Variants in USP15 observed in about 807,000 individuals in gnomAD.
The protein encoded by USP15 is ubiquitin carboxyl-terminal hydrolase 15.
A neutral mutation model predicts 127.1 loss-of-function variants in USP15; 18 were observed. That is an observed-to-expected ratio of 0.14 (90% CI 0.10 to 0.21). USP15 has a LOEUF of 0.21. USP15 is among the 10% of genes least tolerant of loss of function. USP15 has a pLI of 1.00. For synonymous variants in USP15, 364 were observed against 393.7 expected, an observed-to-expected ratio of 0.92 and a Z score of 0.89; for missense variants, 805 against 1,159.9, an observed-to-expected ratio of 0.69 and a Z score of 4.44.
At position 62,404,215 on chromosome 12, in the gene USP15, T is replaced by C; in HGVS notation, c.2786T>C (p.Phe929Ser). The change falls in exon 22 of 22, where the codon TTC (phenylalanine) becomes TCC (serine). Residue 929 changes from phenylalanine (F) to serine (S), a missense_variant. Phe to Ser is a radical substitution (Grantham distance 155, BLOSUM62 -2). Coordinates refer to ENST00000280377, the MANE Select transcript of USP15 (RefSeq NM_001252078.2). The stretch of plus-strand genomic sequence containing the variant: ...CAGTCCAAAGCAGCATATGTACTCT[T>C]CTACCAGAGACAAGACACTTTCAGT... The part of the protein sequence containing the change: ...QIVSKAAYVL[F>S]YQRQDTFSGT... 6.2e-7 allele frequency: 1 copy of C among 1,612,874 alleles called. No individual in the cohort carries two copies. Among genetic ancestry groups the C allele is most frequent in the South Asian group, 1.1e-5 (1 of 91,034 alleles).
chr12:62,394,772 C>T (rs1383435477), intron 19 of USP15, among the ~76,000 whole-genome samples: 1 of 151,836 alleles, frequency 6.6e-6, no homozygotes, highest in Non-Finnish European at 1.5e-5. Context: ...TCGCTTGAAC[C>T]CAGGAGGCGG....
intron 2 of USP15, among the ~76,000 whole-genome samples, chr12:62,299,113 T>G (rs754764498): frequency 3.3e-5 from 5 of 152,096 alleles, no homozygotes; most frequent in African/African-American, 4.8e-5. Context: ...TCATACAATA[T>G]GTGTGTTTTT....
chr12:62,379,159 A>G (rs2066914837), intron 8 of USP15, among the ~76,000 whole-genome samples: 1 of 151,330 alleles, frequency 6.6e-6, no homozygotes, highest in African/African-American at 2.4e-5. Context: ...CTTCCCAGAT[A>G]GGATGCCAGA....
At chr12:62,394,072 T>A (rs1382115632) in intron 19 of USP15, among the ~76,000 whole-genome samples, 1 of 152,196 alleles carries the variant, frequency 6.6e-6, no homozygotes, top group African/African-American at 2.4e-5. Context: ...ATCTTGTCTG[T>A]AAAAAGATAC....
At chr12:62,298,754 A>G (rs1224553115) in intron 2 of USP15, among the ~76,000 whole-genome samples, 1 of 149,774 alleles carries the variant, frequency 6.7e-6, no homozygotes, top group African/African-American at 2.5e-5. Flanking sequence ...GCTTCAGCCC[A>G]GGAGACAGAG....
At chr12:62,293,395 C>T (rs907769764) in intron 1 of USP15, among the ~76,000 whole-genome samples, 3 of 152,072 alleles carry the variant, frequency 2.0e-5, no homozygotes, top group African/African-American at 4.8e-5. Context: ...CTCTCTCTGT[C>T]GCCCAGGCTG....
At chr12:62,348,536 G>T (rs1426663418) in intron 6 of USP15, among the ~76,000 whole-genome samples, 1 of 151,988 alleles carries the variant, frequency 6.6e-6, no homozygotes, top group Non-Finnish European at 1.5e-5. Context: ...AAATTACAAG[G>T]GGAAATAAAA....
At chr12:62,376,796 A>G (rs984298770) in intron 8 of USP15, among the ~76,000 whole-genome samples, 1 of 152,246 alleles carries the variant, frequency 6.6e-6, no homozygotes, top group African/African-American at 2.4e-5. Flanking sequence ...CACAACACAT[A>G]TCCGATTTTT....
chr12:62,355,607 T>C, intron 8 of USP15, 132 bp downstream of exon 8: 1 of 1,027,136 alleles, frequency 9.7e-7, no homozygotes, highest in Non-Finnish European at 1.4e-6. Context: ...GATTTAAGCA[T>C]ACATATTTGA....
At chr12:62,325,838 G>T in intron 5 of USP15, 34 bp from the exon 6 acceptor site, 1 of 1,566,170 alleles carries the variant, frequency 6.4e-7, no homozygotes, top group South Asian at 1.2e-5. Context: ...TCAGAGTTAT[G>T]GAAAAACACC....
rs915232184 is a variant in USP15 at position 62,380,324 on chromosome 12, T to C, written c.916-1166T>C. 2.0e-5 allele frequency among the ~76,000 whole-genome samples: 3 copies of C among 151,984 alleles called. No individual in the cohort carries two copies. In the East Asian group the frequency reaches 5.8e-4, roughly 29 times the overall value. ...ACCACAAAATTGAGTACCAGAATTA[T>C]TCTAAAAAACTAAGTAAATGTTGAC... On this transcript the variant is annotated intron_variant, in intron 8 of 21. Transcript: ENST00000280377.
At position 62,373,685 on chromosome 12, in the gene USP15, A is replaced by G. The variant is rs142419301; in HGVS notation, c.916-7805A>G. ...TAAGAGGAAAATTATATCCATTTCTATTTTACTTGCCTAAGTTTGTTCTTT... is the reference window on the plus strand; with the variant it reads ...TAAGAGGAAAATTATATCCATTTCTGTTTTACTTGCCTAAGTTTGTTCTTT... On this transcript the variant is annotated intron_variant, in intron 8 of 21. Transcript: ENST00000280377. Among the ~76,000 whole-genome samples the G allele has an allele frequency of 6.3e-3, 950 of 151,994 alleles. 12 individuals carry two copies. Among genetic ancestry groups the G allele is most frequent in the Non-Finnish European group, 7.7e-3 (523 of 67,804 alleles).
chr12:62,261,008 T>C (rs2063036602), intron 1 of USP15, among the ~76,000 whole-genome samples: 1 of 152,162 alleles, frequency 6.6e-6, no homozygotes, highest in Admixed American at 6.5e-5. Flanking sequence ...CGGTCTGTAC[T>C]ACACAGGTGG....
chr12:62,319,802 G>T (rs1342675877), intron 4 of USP15, among the ~76,000 whole-genome samples: 1 of 152,146 alleles, frequency 6.6e-6, no homozygotes, highest in Non-Finnish European at 1.5e-5. Context: ...GTCAACAGTG[G>T]TTATATCTAG....
chr12:62,349,223 C>A lies in USP15; in HGVS notation c.686C>A (p.Ser229Tyr). The A allele has an allele frequency of 6.7e-7, 1 of 1,490,308 alleles. No individual in the cohort carries two copies. The highest frequency in any genetic ancestry group is 2.6e-5 in the East Asian group (1 of 39,180). The allele number at this position is 1,490,308 out of a possible 1,614,324, so 92.3% of individuals were successfully genotyped here. A position where few individuals can be genotyped will look rare whatever the true frequency, so the allele number is the denominator to read the frequency against. Residue 229 changes from serine to tyrosine, a missense_variant and splice_region_variant, in exon 7 of 22, where the codon TCC becomes TAC. Ser to Tyr is a moderately radical substitution (Grantham distance 144). Transcript: ENST00000280377. The part of the protein sequence containing the change: ...TWPRGPSTPK[S>Y]PGASNFSTLP... Reference sequence around the variant, plus strand: ...TTAACATTTTCATATTTTTAAAGGTCCCCAGGTGCATCCAATTTTTCAACT... The same window carrying A: ...TTAACATTTTCATATTTTTAAAGGTACCCAGGTGCATCCAATTTTTCAACT...
At chr12:62,341,270 TC>T (rs1319350207) in intron 6 of USP15, among the ~76,000 whole-genome samples, 1 of 152,146 alleles carries the variant, frequency 6.6e-6, no homozygotes, top group Non-Finnish European at 1.5e-5. Flanking sequence ...CCTATGTATG[TC>T]TTTGCATGTG....
rs945363042 is a variant in USP15 at position 62,411,821 on chromosome 12, G to C, written c.*7446G>C. 2 of 152,268 alleles carry C rather than the reference G, an allele frequency of 1.3e-5. No homozygotes were observed. Among genetic ancestry groups the C allele is most frequent in the Admixed American group, 1.3e-4 (2 of 15,258 alleles). The allele number at this position is 152,268 out of a possible 1,614,324, so 9.4% of individuals were successfully genotyped here. On this transcript the variant is annotated 3_prime_UTR_variant, in exon 22 of 22. Transcript: ENST00000280377. ...ATGGCTGCCTTCTCACTGTGTTCTT[G>C]CATGGTAGCAGAGGAGGGTCAGAGA...
chr12:62,329,553 A>G (rs1433967874), intron 6 of USP15, among the ~76,000 whole-genome samples: 1 of 149,098 alleles, frequency 6.7e-6, no homozygotes, highest in East Asian at 1.9e-4. Flanking sequence ...TAAAACCTAA[A>G]GGGAATAATA....
At chr12:62,390,118 A>G (rs1170187671) in intron 14 of USP15, 130 bp downstream of exon 14, 1 of 1,029,008 alleles carries the variant, frequency 9.7e-7, no homozygotes, top group Non-Finnish European at 1.3e-6. Context: ...AATTTTGTTC[A>G]TAGTCAGATT....
Sources: allele counts gnomAD v4.1 joint callset (sites outside exome capture counted in the v4.1 genomes callset), GRCh38; gene constraint gnomAD v4.1.1; transcripts MANE v1.5; gene names NCBI Gene and HGNC (gene_info 2026-07-23, HGNC 2026-07-21).